The following GNPDA2 variants were observed in gnomAD, a reference collection of about 807,000 sequenced individuals.
GNPDA2 encodes the protein glucosamine-6-phosphate deaminase 2.
GNPDA2 carries 24 observed loss-of-function variants against 27.0 expected under a neutral mutation model. That is an observed-to-expected ratio of 0.89 (90% CI 0.64 to 1.25). The LOEUF is 1.25. Ranked by LOEUF, GNPDA2 falls within the 50% of genes most tolerant of loss-of-function variation. The pLI, the probability that GNPDA2 is intolerant of heterozygous loss-of-function variation, is 0.00. For synonymous variants in GNPDA2, 94 were observed against 108.4 expected, an observed-to-expected ratio of 0.87 and a Z score of 0.83; for missense variants, 286 against 335.1, an observed-to-expected ratio of 0.85 and a Z score of 1.14.
intron 2 of GNPDA2, among the ~76,000 whole-genome samples, chr4:44,720,219 C>G (rs1236462207): frequency 2.6e-5 from 4 of 152,098 alleles, no homozygotes; most frequent in African/African-American, 9.7e-5. Flanking sequence ...TCACATAAAG[C>G]TCACAATCTT....
chr4:44,704,258 CT>C (rs1286148074), intron 6 of GNPDA2: 4 of 984,648 alleles, frequency 4.1e-6, no homozygotes, highest in Admixed American at 1.2e-4. Context: ...TCACCTGAAA[CT>C]TCATGTCCAG....
At chr4:44,726,025 T>G (rs1363930755) in intron 1 of GNPDA2, among the ~76,000 whole-genome samples, 1 of 152,070 alleles carries the variant, frequency 6.6e-6, no homozygotes, top group Admixed American at 6.6e-5. Context: ...AGCGTAAGGG[T>G]GGCCTGGCCG....
In GNPDA2 at chr4:44,701,939, ATAAG is replaced by A. The variant is rs1406703377; in HGVS notation, c.*1138_*1141del. 22 of 984,572 alleles carry A rather than the reference ATAAG, an allele frequency of 2.2e-5. No homozygotes were observed. In the Admixed American group the frequency reaches 2.5e-4, roughly 11 times the overall value. 61.0% of individuals were successfully genotyped at this position (984,572 alleles called of 1,614,324 possible). On this transcript the variant is annotated 3_prime_UTR_variant, in exon 7 of 7. Coordinates refer to ENST00000295448, the MANE Select transcript of GNPDA2 (RefSeq NM_138335.3). ...ACATTTTAATCACATAGACAAGCAG[ATAAG>A]TAAGGCTTCTTCTACCAGGTGGGCT... is the stretch of plus-strand genomic sequence containing the variant.
chr4:44,716,791 G>A (rs937607197), intron 4 of GNPDA2, among the ~76,000 whole-genome samples: 1 of 151,842 alleles, frequency 6.6e-6, no homozygotes, highest in African/African-American at 2.4e-5. Context: ...TATCATTTAG[G>A]TAAAGAAACA....
chr4:44,717,063 C>A, intron 4 of GNPDA2, 50 bp downstream of exon 4: 2 of 1,292,060 alleles, frequency 1.5e-6, no homozygotes, highest in East Asian at 2.4e-5. Context: ...ATTTAAAAAT[C>A]CCTAATTCAA....
At chr4:44,714,390 A>G (rs1267470369) in intron 4 of GNPDA2, 2 of 985,248 alleles carry the variant, frequency 2.0e-6, no homozygotes, top group East Asian at 2.3e-4. Flanking sequence ...CAGAGGAGGA[A>G]TTAGAACATT....
At chr4:44,722,632 A>T (rs116130783) in intron 1 of GNPDA2, among the ~76,000 whole-genome samples, 3 of 152,208 alleles carry the variant, frequency 2.0e-5, no homozygotes, top group Non-Finnish European at 4.4e-5. Context: ...CTATTTACAC[A>T]GTATTTACAT....
intron 4 of GNPDA2, among the ~76,000 whole-genome samples, chr4:44,712,632 A>G (rs1035135099): frequency 6.6e-6 from 1 of 152,066 alleles, no homozygotes; most frequent in Non-Finnish European, 1.5e-5. Flanking sequence ...ATTTCTCTAT[A>G]TATGTGTAGA....
intron 2 of GNPDA2, among the ~76,000 whole-genome samples, chr4:44,719,504 T>C (rs1717535143): frequency 6.6e-6 from 1 of 152,072 alleles, no homozygotes; most frequent in Admixed American, 6.6e-5. Context: ...TAAGCACATA[T>C]GTTGTTTTCA....
chr4:44,703,451 T>C (rs1322939245), intron 6 of GNPDA2: 20 of 1,090,538 alleles, frequency 1.8e-5, no homozygotes, highest in Non-Finnish European at 2.0e-5. Flanking sequence ...AATACTGACT[T>C]AGATAATAGG....
chr4:44,718,332 G>T lies in GNPDA2; in HGVS notation c.203C>A (p.Thr68Asn). ...ACCTACATATTCATCCATATTAAAG[G>T]TCTTCACATATTTAAAAGAAAGGTG... ...NGHLSFKYVK[T>N]FNMDEYVGLP... Residue 68 changes from threonine to asparagine, a missense_variant, in exon 3 of 7, where the codon ACC (threonine) becomes AAC (asparagine). Coordinates refer to ENST00000295448, the MANE Select transcript of GNPDA2 (RefSeq NM_138335.3). 7.6e-7 allele frequency: 1 copy of T among 1,311,994 alleles called. No homozygotes were observed. Among genetic ancestry groups the T allele is most frequent in the East Asian group, 2.5e-5 (1 of 39,640 alleles). 81.3% of individuals were successfully genotyped at this position (1,311,994 alleles called of 1,614,324 possible).
chr4:44,722,331 G>A, intron 1 of GNPDA2, 89 bp from the exon 2 acceptor site: 2 of 946,968 alleles, frequency 2.1e-6, no homozygotes, highest in East Asian at 2.7e-5. Flanking sequence ...AATAAATAGA[G>A]CACTGAAACA....
At chr4:44,723,898 T>C (rs1717839492) in intron 1 of GNPDA2, among the ~76,000 whole-genome samples, 1 of 152,108 alleles carries the variant, frequency 6.6e-6, no homozygotes, top group Non-Finnish European at 1.5e-5. Flanking sequence ...GGTTACCCCT[T>C]ATCTGCATGA....
At chr4:44,710,641 T>A (rs1027213706) in intron 5 of GNPDA2, among the ~76,000 whole-genome samples, 1 of 152,174 alleles carries the variant, frequency 6.6e-6, no homozygotes, top group Admixed American at 6.5e-5. Flanking sequence ...AGTCCTGTCA[T>A]GAGACACTTT....
At chr4:44,716,711 T>G (rs180791048) in intron 4 of GNPDA2, among the ~76,000 whole-genome samples, 1 of 152,042 alleles carries the variant, frequency 6.6e-6, no homozygotes, top group Admixed American at 6.5e-5. Context: ...CTGTTCCTCA[T>G]GCAAACGTTT....
intron 6 of GNPDA2, chr4:44,704,642 C>A: frequency 1.1e-6 from 1 of 880,674 alleles, no homozygotes; most frequent in East Asian, 1.2e-4. Flanking sequence ...TTTCTACATA[C>A]GAATTTTATA....
At chr4:44,719,839 T>C (rs758013968) in intron 2 of GNPDA2, among the ~76,000 whole-genome samples, 20 of 152,248 alleles carry the variant, frequency 1.3e-4, no homozygotes, top group Non-Finnish European at 2.5e-4. Flanking sequence ...ATTTGCTTTG[T>C]AATAGTCATT....
chr4:44,708,567 A>T (rs145964000), intron 5 of GNPDA2, among the ~76,000 whole-genome samples: 162 of 152,226 alleles, frequency 1.1e-3, no homozygotes, highest in African/African-American at 3.8e-3. Flanking sequence ...CAGAAAATCC[A>T]AGCTCTTGGT....
intron 1 of GNPDA2, among the ~76,000 whole-genome samples, chr4:44,723,715 C>T (rs1331042011): frequency 6.6e-6 from 1 of 152,046 alleles, no homozygotes; most frequent in Non-Finnish European, 1.5e-5. Flanking sequence ...AGTTCCTTGG[C>T]ATTTTGAACA....
Sources: gnomAD v4.1 joint callset for allele counts (sites outside exome capture counted in the v4.1 genomes callset) on GRCh38, gnomAD v4.1.1 for gene constraint, MANE v1.5 for transcripts, NCBI Gene and HGNC (gene_info 2026-07-23, HGNC 2026-07-21) for gene names.